EPHX4: variants seen among roughly 807,000 people sequenced by gnomAD.
EPHX4 encodes the protein abhydrolase domain containing 7.
Under a neutral mutation model 44.9 loss-of-function variants are expected in EPHX4, and 31 were observed. That is an observed-to-expected ratio of 0.69 (90% CI 0.52 to 0.93). The LOEUF is 0.93. EPHX4 is among the 40% of genes least tolerant of loss of function. The pLI, the probability that EPHX4 is intolerant of heterozygous loss-of-function variation, is 0.00. For synonymous variants in EPHX4, 151 were observed against 159.7 expected (o/e 0.95, Z 0.41); for missense variants, 373 against 438.1 (o/e 0.85, Z 1.33).
rs1688339321 is a variant in EPHX4 at position 92,030,316 on chromosome 1, G to C, written c.231+6G>C. The C allele has an allele frequency of 3.9e-6, 6 of 1,521,954 alleles. No individual in the cohort carries two copies. Among genetic ancestry groups the C allele is most frequent in the East Asian group, 5.1e-5 (2 of 39,528 alleles). 94.3% of individuals were successfully genotyped at this position (1,521,954 alleles called of 1,614,324 possible). A position where few individuals can be genotyped will look rare whatever the true frequency, so the allele number is the denominator to read the frequency against. On this transcript the variant is annotated splice_donor_region_variant and intron_variant, in intron 1 of 6. Coordinates refer to ENST00000370383, the MANE Select transcript of EPHX4 (RefSeq NM_173567.5). ...ACTGCTACGTGCGGATCAAGGTGAA[G>C]GGCCGCGCGGGCCTGGCGGGAGCGG...
chr1:92,038,954 A>G (rs1688476252), intron 2 of EPHX4, among the ~76,000 whole-genome samples: 1 of 152,148 alleles, frequency 6.6e-6, no homozygotes, highest in Non-Finnish European at 1.5e-5. Flanking sequence ...CTTTCCCTCC[A>G]TTTCTTCATC....
At chr1:92,048,911 C>T (rs1688620313) in intron 4 of EPHX4, among the ~76,000 whole-genome samples, 1 of 151,878 alleles carries the variant, frequency 6.6e-6, no homozygotes, top group Admixed American at 6.6e-5. Context: ...CTATGTTGCC[C>T]AGGCTGGTCT....
Position 92,063,363 on chromosome 1 carries a change from T to C in EPHX4, c.*77T>C. 8.8e-7 allele frequency: 1 copy of C among 1,136,930 alleles called. No individual in the cohort carries two copies. The highest frequency in any genetic ancestry group is 1.6e-5 in the African/African-American group (1 of 64,068). The allele number at this position is 1,136,930 out of a possible 1,614,324, so 70.4% of individuals were successfully genotyped here. On this transcript the variant is annotated 3_prime_UTR_variant, in exon 7 of 7. Transcript: ENST00000370383. Reference sequence around the variant, plus strand: ...TAAAAATTGTTCATCAACTTCTTTATGTTTTATTAGAAAAAAACTGTTTTA... The same window carrying C: ...TAAAAATTGTTCATCAACTTCTTTACGTTTTATTAGAAAAAAACTGTTTTA...
At chr1:92,062,609 A>C (rs1647523072) in intron 6 of EPHX4, among the ~76,000 whole-genome samples, 2 of 151,140 alleles carry the variant, frequency 1.3e-5, no homozygotes, top group South Asian at 4.2e-4. Context: ...AAAAAAAAAA[A>C]AGAAACAAAT....
chr1:92,053,791 T>G (rs74102807), intron 6 of EPHX4, among the ~76,000 whole-genome samples: 6,450 of 152,164 alleles, frequency 0.042, 169 homozygotes, highest in African/African-American at 0.071. Context: ...ACAGGGCTAG[T>G]TTTTATGGGA....
Position 92,030,120 on chromosome 1 carries a change from C to T in EPHX4, c.41C>T (p.Thr14Met). 4 of 1,610,160 alleles carry T rather than the reference C, an allele frequency of 2.5e-6. 1 individual carries two copies. The South Asian group carries it at 3.3e-5, about 13-fold the overall frequency. Residue 14 changes from threonine (T) to methionine (M), a missense_variant, in exon 1 of 7, where the codon ACG (threonine) becomes ATG (methionine). Physicochemically the swap from Thr to Met is moderately conservative, Grantham distance 81 (BLOSUM62 -1). Transcript: ENST00000370383. ...GATTGCCTGCCCCGCCTGATGCTCA[C>T]GCTCCGGTCCCTGCTCTTCTGGTCC... is the stretch of plus-strand genomic sequence containing the variant. ...LRDCLPRLML[T>M]LRSLLFWSLV...
intron 3 of EPHX4, 109 bp from the exon 4 acceptor site, chr1:92,045,423 G>A: frequency 7.3e-7 from 1 of 1,368,678 alleles, no homozygotes. Flanking sequence ...GCATAATTAG[G>A]ATAAGATAAT....
At chr1:92,056,130 A>T (rs1405255977) in intron 6 of EPHX4, among the ~76,000 whole-genome samples, 2 of 152,114 alleles carry the variant, frequency 1.3e-5, no homozygotes, top group African/African-American at 4.8e-5. Context: ...GTTACATTAG[A>T]CCTCTAGAAG....
At chr1:92,052,776 A>AT (rs1647290479) in intron 6 of EPHX4, 118 bp downstream of exon 6, 1 of 907,108 alleles carries the variant, frequency 1.1e-6, no homozygotes, top group Non-Finnish European at 1.6e-6. Flanking sequence ...AGGTATTTTA[A>AT]TTTTTTTAGT....
intron 2 of EPHX4, among the ~76,000 whole-genome samples, chr1:92,040,091 T>C (rs771774034): frequency 1.8e-4 from 28 of 152,086 alleles, no homozygotes; most frequent in Middle Eastern, 6.8e-3. Flanking sequence ...TAGTGATAGA[T>C]CAAAAAATTC....
At chr1:92,051,430 C>T (rs1431930923) in intron 5 of EPHX4, among the ~76,000 whole-genome samples, 1 of 152,014 alleles carries the variant, frequency 6.6e-6, no homozygotes, top group East Asian at 1.9e-4. Context: ...AAAATGTATA[C>T]TAGTGCCTTC....
At chr1:92,062,695 A>G (rs1439462143) in intron 6 of EPHX4, among the ~76,000 whole-genome samples, 1 of 151,890 alleles carries the variant, frequency 6.6e-6, no homozygotes, top group Non-Finnish European at 1.5e-5. Flanking sequence ...TCCAATTTAA[A>G]TTTTACTGGG....
chr1:92,033,997 C>CTTTTTTT (rs36075635), intron 2 of EPHX4, among the ~76,000 whole-genome samples: 4 of 109,114 alleles, frequency 3.7e-5, no homozygotes, highest in Non-Finnish European at 5.3e-5. Context: ...CATGTTTAAA[C>CTTTTTTT]TTTTTTTTTT....
intron 5 of EPHX4, among the ~76,000 whole-genome samples, chr1:92,052,162 C>T (rs556909114): frequency 1.3e-5 from 2 of 152,112 alleles, no homozygotes; most frequent in Non-Finnish European, 2.9e-5. Flanking sequence ...TCCTCAATGC[C>T]CTGGGCTTAT....
intron 4 of EPHX4, among the ~76,000 whole-genome samples, chr1:92,048,292 ACAG>A (rs1032233857): frequency 2.6e-5 from 4 of 152,214 alleles, no homozygotes; most frequent in African/African-American, 9.6e-5. Context: ...TTTGAATTCA[ACAG>A]CAGAAGTCAT....
At position 92,050,315 on chromosome 1, in the gene EPHX4, A is replaced by G; in HGVS notation, c.605-2A>G. On this transcript the variant is annotated splice_acceptor_variant, in intron 4 of 6. Coordinates refer to ENST00000370383, the MANE Select transcript of EPHX4 (RefSeq NM_173567.5). LOFTEE classifies it high-confidence loss of function. ...AGGTCTAACATGGCATTTTAATTTC[A>G]GAATATATTTTACGACACCCTGCTC... The G allele has an allele frequency of 6.3e-7, 1 of 1,580,552 alleles. No homozygotes were observed. Among genetic ancestry groups the G allele is most frequent in the Non-Finnish European group, 8.7e-7 (1 of 1,155,384 alleles).
At chr1:92,062,606 A>G (rs1181451313) in intron 6 of EPHX4, among the ~76,000 whole-genome samples, 1 of 151,244 alleles carries the variant, frequency 6.6e-6, no homozygotes, top group Non-Finnish European at 1.5e-5. Context: ...AAAAAAAAAA[A>G]AAAAGAAACA....
At chr1:92,033,525 G>C (rs183816283) in intron 2 of EPHX4, among the ~76,000 whole-genome samples, 154 of 152,194 alleles carry the variant, frequency 1.0e-3, no homozygotes, top group African/African-American at 3.4e-3. Context: ...GCTGGGGTGA[G>C]GAGAAGGCAG....
intron 3 of EPHX4, among the ~76,000 whole-genome samples, chr1:92,045,317 C>G (rs1193095370): frequency 6.6e-6 from 1 of 151,308 alleles, no homozygotes; most frequent in Non-Finnish European, 1.5e-5. Flanking sequence ...ATATGGATTC[C>G]TGGGAGAGAT....
Sources: allele counts gnomAD v4.1 joint callset (sites outside exome capture counted in the v4.1 genomes callset), GRCh38; gene constraint gnomAD v4.1.1; transcripts MANE v1.5; gene names NCBI Gene and HGNC (gene_info 2026-07-23, HGNC 2026-07-21).